AVEN: variants seen among roughly 807,000 people sequenced by gnomAD.
AVEN encodes cell death regulator Aven.
In AVEN, 41 loss-of-function variants were observed where a neutral mutation model predicts 38.1. The observed-to-expected ratio is 1.08, with a 90% CI of 0.84 to 1.40. The LOEUF (loss-of-function observed/expected upper bound fraction) is 1.40. Among genes scored for constraint, AVEN ranks in the 40% most tolerant of loss-of-function variants. The pLI is 0.00. For missense variants in AVEN, 605 were observed against 438.8 expected, an observed-to-expected ratio of 1.38 and a Z score of -3.38; for synonymous variants, 206 against 171.8, an observed-to-expected ratio of 1.20 and a Z score of -1.56.
At chr15:33,935,031 A>C (rs1374948454) in intron 2 of AVEN, among the ~76,000 whole-genome samples, 2 of 152,210 alleles carry the variant, frequency 1.3e-5, no homozygotes, top group African/African-American at 4.8e-5. Flanking sequence ...AGAAGGATCC[A>C]AACAGATGAT....
chr15:34,046,987 A>G (rs1450715474), intron 5 of AVEN: 1 of 152,124 alleles, frequency 6.6e-6, no homozygotes, highest in Admixed American at 6.5e-5. Context: ...GGTCCAACAC[A>G]CAGAGCTGTG....
chr15:33,854,791 C>G (rs2079475326), downstream of AVEN: 5 of 1,612,232 alleles, frequency 3.1e-6, no homozygotes, highest in African/African-American at 2.7e-5. Context: ...GCCTGGTATA[C>G]AACCATGTCA....
chr15:33,863,566 T>C (rs1567367284), downstream of AVEN, among the ~76,000 whole-genome samples: 1 of 152,218 alleles, frequency 6.6e-6, no homozygotes, highest in Non-Finnish European at 1.5e-5. Flanking sequence ...CCCCCTGGGA[T>C]ACTTATGTGT....
chr15:33,939,985 T>C (rs1329855407), intron 2 of AVEN, among the ~76,000 whole-genome samples: 1 of 152,234 alleles, frequency 6.6e-6, no homozygotes, highest in Admixed American at 6.5e-5. Flanking sequence ...CTACTAGTTC[T>C]GAGAGAGCTT....
chr15:33,894,306 G>A (rs1034063286), intron 2 of AVEN, among the ~76,000 whole-genome samples: 3 of 152,022 alleles, frequency 2.0e-5, no homozygotes, highest in Admixed American at 1.3e-4. Context: ...CCAGGAAGGA[G>A]CCACTGAACT....
intron 2 of AVEN, among the ~76,000 whole-genome samples, chr15:33,937,511 C>A (rs935477206): frequency 6.7e-6 from 1 of 149,720 alleles, no homozygotes; most frequent in African/African-American, 2.4e-5. Context: ...CCAGCCTGGG[C>A]GACAGAGCGA....
chr15:33,933,522 CACAGAGAGAGAG>C (rs1178642474), intron 2 of AVEN, among the ~76,000 whole-genome samples: 876 of 52,840 alleles, frequency 0.017, 3 homozygotes, highest in Middle Eastern at 0.041. Flanking sequence ...CACACACACA[CACAGAGAGAGAG>C]AGAGAGAGAG....
In AVEN at chr15:34,047,043, C is replaced by G. The variant is rs945497304; in HGVS notation, n.1637+15879G>C. 4.0e-5 allele frequency among the ~76,000 whole-genome samples: 6 copies of G among 151,278 alleles called. No homozygotes were observed. The South Asian group carries it at 1.3e-3, about 32-fold the overall frequency. ...CGCTCAGGCACAAACAGAGACCTAGCAGGGCTTTTTTGTTTTGGTTTTTTT... is the reference window on the plus strand; with the variant it reads ...CGCTCAGGCACAAACAGAGACCTAGGAGGGCTTTTTTGTTTTGGTTTTTTT... On this transcript the variant is annotated intron_variant and non_coding_transcript_variant, in intron 5 of 11. Transcript: ENST00000675287.
intron 2 of AVEN, among the ~76,000 whole-genome samples, chr15:33,906,951 G>A (rs1380398227): frequency 6.7e-6 from 1 of 149,862 alleles, no homozygotes; most frequent in East Asian, 2.0e-4. Context: ...AAGGGGTGTG[G>A]GGGGGAAGGG....
At chr15:33,943,573 C>G (rs187244686) in intron 2 of AVEN, among the ~76,000 whole-genome samples, 1 of 152,148 alleles carries the variant, frequency 6.6e-6, no homozygotes, top group African/African-American at 2.4e-5. Context: ...GCTGGGCACA[C>G]GCCTGTAATC....
chr15:33,949,617 T>C (rs1344798053), intron 2 of AVEN, among the ~76,000 whole-genome samples: 1 of 152,148 alleles, frequency 6.6e-6, no homozygotes, highest in East Asian at 1.9e-4. Context: ...GAGGTTTCTT[T>C]TCTGGGTGAT....
At chr15:34,072,325 T>C (rs949128429) in intron 1 of AVEN, among the ~76,000 whole-genome samples, 4 of 150,892 alleles carry the variant, frequency 2.7e-5, no homozygotes, top group Non-Finnish European at 5.9e-5. Flanking sequence ...AATAAAAAAT[T>C]ACCTGGGCCG....
chr15:33,938,803 G>A (rs1324241557), intron 2 of AVEN, among the ~76,000 whole-genome samples: 8 of 152,104 alleles, frequency 5.3e-5, no homozygotes, highest in South Asian at 2.1e-4. Context: ...CTACCAAACC[G>A]ACAGGATCAG....
At chr15:33,944,887 T>A (rs908080766) in intron 2 of AVEN, among the ~76,000 whole-genome samples, 1 of 152,006 alleles carries the variant, frequency 6.6e-6, no homozygotes, top group Admixed American at 6.6e-5. Context: ...TGCCTTTCCA[T>A]TAAAGCAGAT....
At chr15:33,965,129 T>C (rs559810665) in intron 2 of AVEN, among the ~76,000 whole-genome samples, 10 of 152,194 alleles carry the variant, frequency 6.6e-5, no homozygotes, top group African/African-American at 9.6e-5. Flanking sequence ...CCAAGTGCAC[T>C]GGTCTTGTAC....
At chr15:33,948,500 A>G (rs1465295125) in intron 2 of AVEN, among the ~76,000 whole-genome samples, 1 of 152,242 alleles carries the variant, frequency 6.6e-6, no homozygotes. Context: ...ATACTTTTTA[A>G]TAAGTGTTAG....
At chr15:33,942,244 A>G (rs897372926) in intron 2 of AVEN, among the ~76,000 whole-genome samples, 1 of 152,286 alleles carries the variant, frequency 6.6e-6, no homozygotes, top group East Asian at 1.9e-4. Flanking sequence ...TTTTAAGATC[A>G]CATTTTTTTA....
chr15:33,919,598 C>T (rs1225466898), intron 2 of AVEN, among the ~76,000 whole-genome samples: 1 of 152,136 alleles, frequency 6.6e-6, no homozygotes, highest in African/African-American at 2.4e-5. Context: ...TGGGAATGAA[C>T]CATATGAATT....
chr15:33,854,566 C>G (rs993744136), downstream of AVEN: 14 of 1,056,696 alleles, frequency 1.3e-5, 1 homozygote, highest in South Asian at 1.6e-4. Flanking sequence ...AGACCAAGAG[C>G]CTTATACGTG....
Sources: allele counts gnomAD v4.1 joint callset (sites outside exome capture counted in the v4.1 genomes callset), GRCh38; gene constraint gnomAD v4.1.1; transcripts MANE v1.5; gene names NCBI Gene and HGNC (gene_info 2026-07-23, HGNC 2026-07-21).